GMDS: variants seen among roughly 807,000 people sequenced by gnomAD.
GMDS encodes the protein GDP-mannose 4,6-dehydratase, also known as GDP-mannose 4,6 dehydratase.
A neutral mutation model predicts 49.9 loss-of-function variants in GMDS; 20 were observed. That is an observed-to-expected ratio of 0.40 (90% CI 0.28 to 0.58). The LOEUF is 0.58. Ranked by LOEUF, GMDS falls within the 20% of genes least tolerant of loss-of-function variation. The pLI is 0.42. For synonymous variants in GMDS, 177 were observed against 178.6 expected, an observed-to-expected ratio of 0.99 and a Z score of 0.07; for missense variants, 362 against 481.4, an observed-to-expected ratio of 0.75 and a Z score of 2.32.
In GMDS at chr6:1,779,904, T is replaced by G. The variant is rs3823268; in HGVS notation, c.772-37318A>C. On this transcript the variant is annotated intron_variant, in intron 7 of 10. Coordinates refer to ENST00000380815, the MANE Select transcript of GMDS (RefSeq NM_001500.4). Reference sequence around the variant, plus strand: ...TGAACACCAGACACAGCCAGGCTGGTACCAAAACTGCTGGAGAGAATCACC... The same window carrying G: ...TGAACACCAGACACAGCCAGGCTGGGACCAAAACTGCTGGAGAGAATCACC... Among the ~76,000 whole-genome samples, 794 of 152,318 alleles carry G rather than the reference T, an allele frequency of 5.2e-3. 21 individuals are homozygous for G. The East Asian group carries it at 0.059, about 11-fold the overall frequency.
chr6:2,025,497 C>T (rs1768540902), intron 4 of GMDS, among the ~76,000 whole-genome samples: 1 of 151,546 alleles, frequency 6.6e-6, no homozygotes, highest in African/African-American at 2.4e-5. Flanking sequence ...TACACATGCA[C>T]ACACGCACAC....
chr6:1,691,706 G>C (rs1419875465), intron 9 of GMDS, among the ~76,000 whole-genome samples: 2 of 152,100 alleles, frequency 1.3e-5, no homozygotes, highest in African/African-American at 4.8e-5. Flanking sequence ...CTTTATTAAG[G>C]TATATAATTA....
At chr6:1,920,001 TTTC>T (rs1761637715) in intron 7 of GMDS, among the ~76,000 whole-genome samples, 2 of 152,246 alleles carry the variant, frequency 1.3e-5, no homozygotes, top group South Asian at 4.1e-4. Flanking sequence ...AGGATTGAAC[TTTC>T]TTCTTTACCT....
At chr6:2,086,204 A>G (rs1048609040) in intron 4 of GMDS, among the ~76,000 whole-genome samples, 1 of 151,210 alleles carries the variant, frequency 6.6e-6, no homozygotes, top group African/African-American at 2.4e-5. Context: ...TCTCTGTGGT[A>G]CCATTCACCC....
At chr6:1,997,352 A>G (rs1375695941) in intron 4 of GMDS, among the ~76,000 whole-genome samples, 1 of 151,934 alleles carries the variant, frequency 6.6e-6, no homozygotes, top group Admixed American at 6.6e-5. Flanking sequence ...TACTAAAAAT[A>G]CAAAAATTAG....
chr6:2,089,719 C>T (rs933781784), intron 4 of GMDS, among the ~76,000 whole-genome samples: 2 of 152,168 alleles, frequency 1.3e-5, no homozygotes, highest in African/African-American at 4.8e-5. Context: ...GAACCTAGGA[C>T]TTACACAAGT....
chr6:1,891,302 G>C (rs1438810283), intron 7 of GMDS, among the ~76,000 whole-genome samples: 1 of 152,142 alleles, frequency 6.6e-6, no homozygotes, highest in African/African-American at 2.4e-5. Flanking sequence ...TGTCTAAATG[G>C]GCATACTGTG....
intron 7 of GMDS, among the ~76,000 whole-genome samples, chr6:1,904,681 C>T (rs1760668938): frequency 6.6e-6 from 1 of 152,288 alleles, no homozygotes; most frequent in South Asian, 2.1e-4. Context: ...TGCGCAGTAC[C>T]TTCCTGTTGG....
intron 9 of GMDS, among the ~76,000 whole-genome samples, chr6:1,673,957 G>T (rs2113287187): frequency 1.3e-5 from 1 of 79,034 alleles, no homozygotes; most frequent in East Asian, 2.8e-4. Flanking sequence ...CTTGCTTCCA[G>T]TTTAGGTTGA....
chr6:2,005,283 G>A (rs1192851218), intron 4 of GMDS, among the ~76,000 whole-genome samples: 1 of 152,062 alleles, frequency 6.6e-6, no homozygotes, highest in Non-Finnish European at 1.5e-5. Context: ...AGTATCACTA[G>A]GATTCAGGGA....
intron 1 of GMDS, among the ~76,000 whole-genome samples, chr6:2,174,667 A>G (rs1055888812): frequency 3.3e-5 from 5 of 152,106 alleles, no homozygotes; most frequent in African/African-American, 1.2e-4. Context: ...TCCTGGGTTC[A>G]AGTGATTCTC....
At chr6:2,204,904 C>A (rs924122470) in intron 1 of GMDS, among the ~76,000 whole-genome samples, 11 of 152,170 alleles carry the variant, frequency 7.2e-5, no homozygotes, top group East Asian at 1.9e-4. Context: ...TTATCTCCTA[C>A]ATAATTACCA....
chr6:2,091,112 T>C (rs1423242429), intron 4 of GMDS, among the ~76,000 whole-genome samples: 3 of 152,228 alleles, frequency 2.0e-5, no homozygotes, highest in African/African-American at 7.2e-5. Flanking sequence ...TTAGTTGGAA[T>C]TGCTTACTTT....
chr6:1,728,177 A>T (rs1766658327), intron 8 of GMDS, among the ~76,000 whole-genome samples: 1 of 152,192 alleles, frequency 6.6e-6, no homozygotes, highest in African/African-American at 2.4e-5. Flanking sequence ...ATAAAGACCA[A>T]ATCTTAGCTA....
intron 9 of GMDS, among the ~76,000 whole-genome samples, chr6:1,709,724 G>GA (rs1358560354): frequency 6.6e-6 from 1 of 152,178 alleles, no homozygotes; most frequent in Non-Finnish European, 1.5e-5. Context: ...CTGCTTACAT[G>GA]AGAGTACGTG....
intron 1 of GMDS, among the ~76,000 whole-genome samples, chr6:2,199,599 T>C (rs1779416672): frequency 6.6e-6 from 1 of 152,214 alleles, no homozygotes; most frequent in Non-Finnish European, 1.5e-5. Flanking sequence ...TCTTTTCCAC[T>C]GCCTGAAACC....
intron 4 of GMDS, among the ~76,000 whole-genome samples, chr6:2,072,260 A>C (rs1231926684): frequency 6.6e-6 from 1 of 152,234 alleles, no homozygotes; most frequent in African/African-American, 2.4e-5. Flanking sequence ...AAATGTTCAA[A>C]ATTCTAAAAG....
intron 6 of GMDS, among the ~76,000 whole-genome samples, chr6:1,941,449 T>C (rs1156422318): frequency 1.3e-5 from 2 of 152,102 alleles, no homozygotes; most frequent in Non-Finnish European, 2.9e-5. Context: ...ATAGTCTGTA[T>C]CCAGGAGGGA....
intron 4 of GMDS, among the ~76,000 whole-genome samples, chr6:2,071,994 C>T (rs138851834): frequency 6.6e-5 from 10 of 152,258 alleles, no homozygotes; most frequent in Non-Finnish European, 1.2e-4. Context: ...TCTTTGCATT[C>T]GTAGAACAAT....
Sources: allele counts gnomAD v4.1 joint callset (sites outside exome capture counted in the v4.1 genomes callset), GRCh38; gene constraint gnomAD v4.1.1; transcripts MANE v1.5; gene names NCBI Gene and HGNC (gene_info 2026-07-23, HGNC 2026-07-21).